KIF26B: variants seen among roughly 807,000 people sequenced by gnomAD.
KIF26B encodes the protein kinesin family member 26B, also known as kinesin-like protein KIF26B.
In KIF26B, 63 loss-of-function variants were observed where a neutral mutation model predicts 151.2. That is an observed-to-expected ratio of 0.42 (90% CI 0.34 to 0.51). KIF26B has a LOEUF of 0.51. Ranked by LOEUF, KIF26B falls within the 20% of genes least tolerant of loss-of-function variation. The pLI, the probability that KIF26B is intolerant of heterozygous loss-of-function variation, is 0.07. For missense variants in KIF26B, 2,813 were observed against 2,913.6 expected (o/e 0.97, Z 0.79); for synonymous variants, 1,357 against 1,262.1 (o/e 1.08, Z -1.59).
chr1:245,470,551 C>T (rs1025485996), intron 4 of KIF26B, among the ~76,000 whole-genome samples: 2 of 152,146 alleles, frequency 1.3e-5, no homozygotes, highest in Non-Finnish European at 2.9e-5. Context: ...CTGCCTCAGC[C>T]TCCCGAGTAG....
At chr1:245,311,076 G>A (rs1472757498) in intron 2 of KIF26B, among the ~76,000 whole-genome samples, 6 of 152,132 alleles carry the variant, frequency 3.9e-5, no homozygotes, top group Non-Finnish European at 5.9e-5. Context: ...GCTGAAGAAG[G>A]AGAAAGGAAA....
At chr1:245,648,164 A>C (rs2043973467) in intron 10 of KIF26B, among the ~76,000 whole-genome samples, 1 of 152,220 alleles carries the variant, frequency 6.6e-6, no homozygotes, top group Non-Finnish European at 1.5e-5. Context: ...GCAGGAGGTC[A>C]TTGATTACAT....
chr1:245,548,114 G>A (rs182336831), intron 5 of KIF26B, among the ~76,000 whole-genome samples: 8 of 152,246 alleles, frequency 5.3e-5, no homozygotes, highest in East Asian at 1.9e-4. Context: ...TCCACAAGAC[G>A]TATCTATGGG....
At chr1:245,598,407 C>T (rs759580884) in intron 5 of KIF26B, among the ~76,000 whole-genome samples, 8 of 152,128 alleles carry the variant, frequency 5.3e-5, no homozygotes, top group Non-Finnish European at 7.4e-5. Flanking sequence ...CCCTCCTGAA[C>T]GCTTGAGTCT....
At chr1:245,357,272 C>G (rs1362800244) in intron 2 of KIF26B, among the ~76,000 whole-genome samples, 1 of 152,192 alleles carries the variant, frequency 6.6e-6, no homozygotes, top group Non-Finnish European at 1.5e-5. Context: ...GAGTGGACTC[C>G]AGGTGGGTAA....
intron 4 of KIF26B, among the ~76,000 whole-genome samples, chr1:245,465,270 G>T (rs1659760210): frequency 6.6e-6 from 1 of 152,140 alleles, no homozygotes; most frequent in African/African-American, 2.4e-5. Context: ...GAGCCACCGC[G>T]CCCGGACCCA....
At chr1:245,684,594 C>T (rs182423842) in intron 11 of KIF26B, among the ~76,000 whole-genome samples, 199 bp downstream of exon 11, 1 of 152,334 alleles carries the variant, frequency 6.6e-6, no homozygotes, top group Non-Finnish European at 1.5e-5. Context: ...TGTCACCTCC[C>T]CACACCTGGT....
intron 4 of KIF26B, among the ~76,000 whole-genome samples, chr1:245,491,942 G>A (rs1324104231): frequency 2.0e-5 from 3 of 152,000 alleles, no homozygotes; most frequent in Admixed American, 1.3e-4. Flanking sequence ...TGAATTCCGG[G>A]TCAGATCTTC....
intron 4 of KIF26B, among the ~76,000 whole-genome samples, chr1:245,518,374 A>G (rs577430042): frequency 7.6e-4 from 116 of 152,284 alleles, no homozygotes; most frequent in Non-Finnish European, 1.4e-3. Context: ...AACCTACGCT[A>G]CTTGTTCATG....
At chr1:245,457,809 G>A (rs558243786) in intron 4 of KIF26B, among the ~76,000 whole-genome samples, 4 of 152,268 alleles carry the variant, frequency 2.6e-5, no homozygotes, top group South Asian at 2.1e-4. Context: ...ACTCTCTCAT[G>A]TATGGTCATT....
At chr1:245,556,901 CCA>C (rs56948974) in intron 5 of KIF26B, among the ~76,000 whole-genome samples, 6,170 of 152,196 alleles carry the variant, frequency 0.041, 430 homozygotes, top group African/African-American at 0.14. Context: ...CAATGGCTCA[CCA>C]CAGTCATCCC....
chr1:245,355,292 T>C (rs1456982802), intron 2 of KIF26B, among the ~76,000 whole-genome samples: 1 of 152,148 alleles, frequency 6.6e-6, no homozygotes, highest in Non-Finnish European at 1.5e-5. Flanking sequence ...TCTAGCTGCA[T>C]CCCTGGCCTC....
intron 2 of KIF26B, among the ~76,000 whole-genome samples, chr1:245,243,656 A>G (rs1018268631): frequency 6.6e-6 from 1 of 152,014 alleles, no homozygotes; most frequent in South Asian, 2.1e-4. Flanking sequence ...TGAGTGGTTT[A>G]TCTAAGAAAT....
At chr1:245,620,915 T>C (rs1233172352) in intron 9 of KIF26B, among the ~76,000 whole-genome samples, 1 of 152,160 alleles carries the variant, frequency 6.6e-6, no homozygotes, top group Non-Finnish European at 1.5e-5. Context: ...GTGCACAAAC[T>C]AGACCACAGC....
intron 3 of KIF26B, among the ~76,000 whole-genome samples, chr1:245,393,949 A>G (rs974908606): frequency 6.6e-6 from 1 of 152,124 alleles, no homozygotes; most frequent in Non-Finnish European, 1.5e-5. Context: ...GGGGTCAGGG[A>G]TTCGAACTGC....
intron 9 of KIF26B, among the ~76,000 whole-genome samples, chr1:245,629,790 GCAT>G (rs2043760818): frequency 6.6e-6 from 1 of 152,062 alleles, no homozygotes; most frequent in Non-Finnish European, 1.5e-5. Flanking sequence ...AAAGAAACTA[GCAT>G]CAGAGTGAAC....
intron 2 of KIF26B, among the ~76,000 whole-genome samples, chr1:245,297,460 A>G (rs747975743): frequency 2.0e-5 from 3 of 152,182 alleles, no homozygotes; most frequent in Non-Finnish European, 2.9e-5. Flanking sequence ...CAGAGGTGGG[A>G]TTTGAGTCTT....
intron 2 of KIF26B, among the ~76,000 whole-genome samples, chr1:245,299,020 C>T (rs1671382613): frequency 6.6e-6 from 1 of 152,166 alleles, no homozygotes; most frequent in Admixed American, 6.5e-5. Context: ...ATCCAGGAGG[C>T]CAGATGGCAT....
chr1:245,158,588 C>T (rs1668483786), intron 2 of KIF26B, among the ~76,000 whole-genome samples: 1 of 152,212 alleles, frequency 6.6e-6, no homozygotes, highest in Admixed American at 6.5e-5. Flanking sequence ...CCAAGGACAT[C>T]TAGAGAAGAC....
Sources: gnomAD v4.1 joint callset for allele counts (sites outside exome capture counted in the v4.1 genomes callset) on GRCh38, gnomAD v4.1.1 for gene constraint, MANE v1.5 for transcripts, NCBI Gene and HGNC (gene_info 2026-07-23, HGNC 2026-07-21) for gene names.